BMERB1: variants seen among roughly 807,000 people sequenced by gnomAD.
BMERB1 encodes bMERB domain-containing protein 1.
In BMERB1, 12 loss-of-function variants were observed where a neutral mutation model predicts 23.6. That is an observed-to-expected ratio of 0.51 (90% CI 0.33 to 0.82). BMERB1 has a LOEUF of 0.82. Ranked by LOEUF, BMERB1 falls within the 40% of genes least tolerant of loss-of-function variation. The pLI is 0.03. For missense variants in BMERB1, 247 were observed against 255.4 expected (o/e 0.97, Z 0.22); for synonymous variants, 122 against 96.6 (o/e 1.26, Z -1.54).
chr16:15,467,421 G>T (rs1405007839), intron 1 of BMERB1, among the ~76,000 whole-genome samples: 2 of 152,060 alleles, frequency 1.3e-5, no homozygotes, highest in African/African-American at 2.4e-5. Flanking sequence ...GTTTTAATTT[G>T]CATTTTCTTT....
chr16:15,519,875 G>A lies in BMERB1; in HGVS notation c.230+4447G>A, dbSNP rs539106623. On this transcript the variant is annotated intron_variant, in intron 2 of 5. Transcript: ENST00000300006. ...GCCACGACAGTGAGGAAGAAGAGGA[G>A]GGAGATTTCCCTACTCCCAGGGAAT... Among the ~76,000 whole-genome samples the A allele has an allele frequency of 6.6e-5, 10 of 152,242 alleles. No homozygotes were observed. The East Asian group carries it at 1.5e-3, about 24-fold the overall frequency.
intron 2 of BMERB1, among the ~76,000 whole-genome samples, chr16:15,559,466 C>T (rs2030358191): frequency 6.6e-6 from 1 of 152,226 alleles, no homozygotes; most frequent in Non-Finnish European, 1.5e-5. Context: ...TGGAAGGCCA[C>T]TTACCAGTGC....
Position 15,587,102 on chromosome 16 carries a change from T to G in BMERB1, c.*273T>G. The G allele has an allele frequency of 2.2e-6, 1 of 449,632 alleles. No homozygotes were observed. The highest frequency in any genetic ancestry group is 4.0e-6 in the Non-Finnish European group (1 of 252,724). The allele number at this position is 449,632 out of a possible 1,614,324, so 27.9% of individuals were successfully genotyped here. A position where few individuals can be genotyped will look rare whatever the true frequency, so the allele number is the denominator to read the frequency against. On this transcript the variant is annotated 3_prime_UTR_variant, in exon 6 of 6. Coordinates refer to ENST00000300006, the MANE Select transcript of BMERB1 (RefSeq NM_033201.3). ...TTTATCCAAACACCAGGAAAGGTCC[T>G]CCCTCAAAAAAGCATATCTCCACTT... is the stretch of plus-strand genomic sequence containing the variant.
intron 1 of BMERB1, among the ~76,000 whole-genome samples, chr16:15,511,966 T>C (rs1347233947): frequency 2.4e-5 from 3 of 127,332 alleles, no homozygotes; most frequent in South Asian, 2.6e-4. Flanking sequence ...TGAGCAGAGA[T>C]TGCATCACCA....
intron 1 of BMERB1, among the ~76,000 whole-genome samples, chr16:15,499,819 A>C (rs2051510414): frequency 6.6e-6 from 1 of 152,182 alleles, no homozygotes; most frequent in African/African-American, 2.4e-5. Context: ...CAGCATTATT[A>C]TTTAATAACC....
At chr16:15,439,431 C>T (rs2050918976) in intron 1 of BMERB1, among the ~76,000 whole-genome samples, 1 of 152,154 alleles carries the variant, frequency 6.6e-6, no homozygotes, top group South Asian at 2.1e-4. Flanking sequence ...GAATGGTTGT[C>T]ATAGGAGGAC....
chr16:15,566,255 T>C (rs2030559018), intron 2 of BMERB1, among the ~76,000 whole-genome samples: 1 of 152,192 alleles, frequency 6.6e-6, no homozygotes, highest in African/African-American at 2.4e-5. Flanking sequence ...AAAACTAGGT[T>C]GCAAAAGCAA....
intron 2 of BMERB1, among the ~76,000 whole-genome samples, chr16:15,561,642 C>T (rs2030425261): frequency 1.3e-5 from 2 of 152,098 alleles, no homozygotes; most frequent in Non-Finnish European, 2.9e-5. Context: ...CCTGTAATCC[C>T]AGTGCTTTGG....
At chr16:15,556,178 C>CA (rs879429351) in intron 2 of BMERB1, among the ~76,000 whole-genome samples, 2,418 of 133,110 alleles carry the variant, frequency 0.018, 46 homozygotes, top group African/African-American at 0.05. Context: ...AACTCCATCT[C>CA]AAAAAAAAAA....
chr16:15,544,296 C>T (rs1403167365), intron 2 of BMERB1, among the ~76,000 whole-genome samples: 1 of 152,144 alleles, frequency 6.6e-6, no homozygotes, highest in East Asian at 1.9e-4. Flanking sequence ...GTGTTCATTC[C>T]ACATTTGTAT....
At chr16:15,496,400 C>T (rs1197665697) in intron 1 of BMERB1, among the ~76,000 whole-genome samples, 1 of 152,112 alleles carries the variant, frequency 6.6e-6, no homozygotes, top group Non-Finnish European at 1.5e-5. Flanking sequence ...CAAGGGTACC[C>T]TCTATTATTA....
intron 1 of BMERB1, among the ~76,000 whole-genome samples, chr16:15,505,927 G>A (rs1469546385): frequency 1.3e-5 from 2 of 151,730 alleles, no homozygotes; most frequent in Admixed American, 6.6e-5. Context: ...GACATACTGA[G>A]TGGTATATGA....
intron 3 of BMERB1, among the ~76,000 whole-genome samples, chr16:15,569,569 A>G (rs913894054): frequency 3.3e-5 from 5 of 152,174 alleles, no homozygotes; most frequent in African/African-American, 9.7e-5. Flanking sequence ...TTACATTTCA[A>G]TATGAGATTT....
chr16:15,561,817 C>G (rs762467557), intron 2 of BMERB1, among the ~76,000 whole-genome samples: 1 of 152,148 alleles, frequency 6.6e-6, no homozygotes, highest in Non-Finnish European at 1.5e-5. Context: ...CCTTTTACCC[C>G]TGGCGTTCGA....
chr16:15,462,137 C>CGTTTTTTTTTTTTTTTTTTT (rs2051140678), intron 1 of BMERB1, among the ~76,000 whole-genome samples: 1 of 56,932 alleles, frequency 1.8e-5, no homozygotes, highest in African/African-American at 7.9e-5. Flanking sequence ...GATGTCCTGC[C>CGTTTTTTTTTTTTTTTTTTT]TTTTTTTTTT....
At chr16:15,458,039 A>G (rs140668119) in intron 1 of BMERB1, among the ~76,000 whole-genome samples, 53 of 152,292 alleles carry the variant, frequency 3.5e-4, no homozygotes, top group African/African-American at 9.9e-4. Context: ...CCATGATCCA[A>G]TCACTTCCCA....
intron 1 of BMERB1, among the ~76,000 whole-genome samples, chr16:15,493,653 G>A (rs767243681): frequency 2.6e-5 from 4 of 152,008 alleles, no homozygotes; most frequent in African/African-American, 4.8e-5. Context: ...GTTCACGCCT[G>A]CACACATCCT....
At chr16:15,582,723 G>A (rs2031046258) in intron 4 of BMERB1, among the ~76,000 whole-genome samples, 1 of 152,088 alleles carries the variant, frequency 6.6e-6, no homozygotes, top group Non-Finnish European at 1.5e-5. Flanking sequence ...GTCTCTTCAA[G>A]GCAGTTCAGC....
chr16:15,571,057 G>T (rs977830154), intron 3 of BMERB1, among the ~76,000 whole-genome samples: 1 of 152,006 alleles, frequency 6.6e-6, no homozygotes, highest in Non-Finnish European at 1.5e-5. Flanking sequence ...CCTGTATCTT[G>T]TGCCGACCTC....
Sources: allele counts gnomAD v4.1 joint callset (sites outside exome capture counted in the v4.1 genomes callset), GRCh38; gene constraint gnomAD v4.1.1; transcripts MANE v1.5; gene names NCBI Gene and HGNC (gene_info 2026-07-23, HGNC 2026-07-21).